Variants in EPB41L2 observed in about 807,000 individuals in gnomAD.
The protein encoded by EPB41L2 is erythrocyte membrane protein band 4.1 like 2.
A neutral mutation model predicts 113.0 loss-of-function variants in EPB41L2; 43 were observed. That is an observed-to-expected ratio of 0.38 (90% CI 0.30 to 0.49). The LOEUF (loss-of-function observed/expected upper bound fraction) is 0.49. Ranked by LOEUF, EPB41L2 falls within the 20% of genes least tolerant of loss-of-function variation. The probability of loss-of-function intolerance (pLI) is 0.95; values close to 1 mark genes in which losing one functional copy is unlikely to be tolerated. For missense variants in EPB41L2, 1,147 were observed against 1,223.4 expected (o/e 0.94, Z 0.93); for synonymous variants, 442 against 436.7 (o/e 1.01, Z -0.15).
At chr6:130,871,336 G>T (rs528377852) in intron 14 of EPB41L2, among the ~76,000 whole-genome samples, 1 of 152,168 alleles carries the variant, frequency 6.6e-6, no homozygotes, top group East Asian at 1.9e-4. Flanking sequence ...TACTGCCTAT[G>T]ATCTAACTTA....
intron 19 of EPB41L2, among the ~76,000 whole-genome samples, chr6:130,857,531 G>C (rs1213977255): frequency 7.1e-6 from 1 of 140,398 alleles, no homozygotes; most frequent in Non-Finnish European, 1.6e-5. Flanking sequence ...TTCCTTTCTG[G>C]TTCATTCTCA....
At chr6:130,966,174 T>C (rs1775120028) in intron 1 of EPB41L2, among the ~76,000 whole-genome samples, 1 of 152,202 alleles carries the variant, frequency 6.6e-6, no homozygotes, top group South Asian at 2.1e-4. Context: ...CCTACAGATA[T>C]ATCTGTGCAT....
chr6:131,000,306 G>C (rs190370168), intron 1 of EPB41L2, among the ~76,000 whole-genome samples: 18 of 152,134 alleles, frequency 1.2e-4, no homozygotes, highest in Admixed American at 1.1e-3. Context: ...AAAAGCGAAG[G>C]GTGCCTATCC....
At chr6:130,967,839 T>C (rs1775710014) in intron 1 of EPB41L2, among the ~76,000 whole-genome samples, 1 of 152,210 alleles carries the variant, frequency 6.6e-6, no homozygotes, top group Non-Finnish European at 1.5e-5. Flanking sequence ...ATAAATATCT[T>C]TTGTGATGTT....
At chr6:130,948,752 T>A (rs999120736) in intron 3 of EPB41L2, among the ~76,000 whole-genome samples, 1 of 152,186 alleles carries the variant, frequency 6.6e-6, no homozygotes, top group Admixed American at 6.5e-5. Flanking sequence ...AAAATAAAGC[T>A]AGTACAATAA....
rs910852195 is a variant in EPB41L2, at chr6:130,865,557, C to G, written c.2808G>C (p.Thr936=). The change falls in exon 17 of 20, where the codon ACG becomes ACC. Residue 936 remains threonine (T), a synonymous_variant. Transcript: ENST00000337057. ...QTITSESVST[T]TTTHITKTVK... Reference sequence around the variant, plus strand: ...TTACCTTGGTGATGTGTGTGGTTGTCGTTGTTGACACGGACTCAGATGTGA... The same window carrying G: ...TTACCTTGGTGATGTGTGTGGTTGTGGTTGTTGACACGGACTCAGATGTGA... 9 of 1,613,956 alleles carry G rather than the reference C, an allele frequency of 5.6e-6. No individual in the cohort carries two copies. The African/African-American group carries it at 1.1e-4, about 19-fold the overall frequency.
Position 130,998,842 on chromosome 6 carries a change from T to A in EPB41L2, c.-14-42343A>T, listed in dbSNP as rs538244430. 3.3e-5 allele frequency among the ~76,000 whole-genome samples: 5 copies of A among 152,282 alleles called. No homozygotes were observed. The East Asian group carries it at 9.6e-4, about 29-fold the overall frequency. On this transcript the variant is annotated intron_variant, in intron 1 of 19. Transcript: ENST00000337057. ...TCTTCCTGAACTCCAGTTCTGATCA[T>A]ATCATTCACCTGTACAGGAAACCTC... is the stretch of plus-strand genomic sequence containing the variant.
chr6:131,011,033 T>C (rs1562726745), intron 1 of EPB41L2, among the ~76,000 whole-genome samples: 1 of 152,212 alleles, frequency 6.6e-6, no homozygotes, highest in African/African-American at 2.4e-5. Flanking sequence ...CCTGATCCAG[T>C]GTTAAGACTG....
At chr6:131,006,862 A>C (rs1785686017) in intron 1 of EPB41L2, among the ~76,000 whole-genome samples, 1 of 151,794 alleles carries the variant, frequency 6.6e-6, no homozygotes, top group African/African-American at 2.4e-5. Context: ...TTCTCCAACA[A>C]TTCTCTAACC....
intron 8 of EPB41L2, among the ~76,000 whole-genome samples, chr6:130,899,070 G>C (rs1795503491): frequency 6.6e-6 from 1 of 152,074 alleles, no homozygotes; most frequent in South Asian, 2.1e-4. Context: ...AAGCTTTTTG[G>C]AAAGTGGTCC....
chr6:130,898,816 T>C (rs184027984), intron 8 of EPB41L2, among the ~76,000 whole-genome samples: 3 of 152,346 alleles, frequency 2.0e-5, no homozygotes, highest in Non-Finnish European at 2.9e-5. Flanking sequence ...TAAATGTCTT[T>C]TAAATAACTT....
rs769554314 is a variant in EPB41L2 at position 130,934,894 on chromosome 6, T to G, written c.706-8185A>C. Among the ~76,000 whole-genome samples the G allele has an allele frequency of 3.3e-5, 5 of 151,286 alleles. No individual in the cohort carries two copies. In the Admixed American group the frequency reaches 3.3e-4, roughly 10 times the overall value. On this transcript the variant is annotated intron_variant, in intron 3 of 19. Transcript: ENST00000337057. Reference sequence around the variant, plus strand: ...TACGTATACAAGTAAACAGTTAAGATAGATAAGAGATTTACGTAAACATGT... The same window carrying G: ...TACGTATACAAGTAAACAGTTAAGAGAGATAAGAGATTTACGTAAACATGT...
chr6:130,909,925 A>C (rs1798837055), intron 4 of EPB41L2, among the ~76,000 whole-genome samples: 1 of 152,236 alleles, frequency 6.6e-6, no homozygotes, highest in South Asian at 2.1e-4. Context: ...GATAGGAAGA[A>C]TCAATATCGT....
At chr6:130,904,335 A>G (rs1583279477) in intron 6 of EPB41L2, 130 bp downstream of exon 6, 2 of 521,982 alleles carry the variant, frequency 3.8e-6, no homozygotes, top group East Asian at 6.4e-5. Flanking sequence ...ACCCATTTTC[A>G]AGGAAACTTC....
chr6:131,017,560 T>A (rs1411899401), intron 1 of EPB41L2, among the ~76,000 whole-genome samples: 2 of 152,254 alleles, frequency 1.3e-5, no homozygotes, highest in African/African-American at 4.8e-5. Flanking sequence ...TCCTATACAG[T>A]ACTTCATTAT....
chr6:130,899,077 G>A lies in EPB41L2; in HGVS notation c.1236+414C>T, dbSNP rs571176287. 2.6e-5 allele frequency among the ~76,000 whole-genome samples: 4 copies of A among 152,208 alleles called. No homozygotes were observed. The East Asian group carries it at 7.8e-4, about 29-fold the overall frequency. On this transcript the variant is annotated intron_variant, in intron 8 of 19. Transcript: ENST00000337057. ...TCAAACATAAGCTTTTTGGAAAGTG[G>A]TCCCATGCTACTTTTGCCCTTTTAT...
chr6:130,955,114 A>G lies in EPB41L2; in HGVS notation c.696T>C (p.Cys232=), dbSNP rs1283754036. ...VTLLDGTEYS[C]DLEKHAKGQV... ...CAGCTCCCTATCTCACCTCCAGGTC[A>G]CAGCTGTATTCGGTGCCATCTAAGA... The change falls in exon 3 of 20, where the codon TGT becomes TGC. Residue 232 remains cysteine (C), a synonymous_variant. Coordinates refer to ENST00000337057, the MANE Select transcript of EPB41L2 (RefSeq NM_001431.4). The G allele has an allele frequency of 6.2e-7, 1 of 1,614,150 alleles. No individual in the cohort carries two copies. The highest frequency in any genetic ancestry group is 1.1e-5 in the South Asian group (1 of 91,072).
chr6:130,937,330 G>A (rs1428756017), intron 3 of EPB41L2, among the ~76,000 whole-genome samples: 1 of 151,794 alleles, frequency 6.6e-6, no homozygotes, highest in Non-Finnish European at 1.5e-5. Flanking sequence ...TAACCATGAG[G>A]CAGTCAGCAA....
At chr6:130,931,095 G>C (rs1287630332) in intron 3 of EPB41L2, among the ~76,000 whole-genome samples, 1 of 152,030 alleles carries the variant, frequency 6.6e-6, no homozygotes, top group Non-Finnish European at 1.5e-5. Context: ...ACAGAATGAG[G>C]GGTCTACAAA....
Sources: gnomAD v4.1 joint callset for allele counts (sites outside exome capture counted in the v4.1 genomes callset) on GRCh38, gnomAD v4.1.1 for gene constraint, MANE v1.5 for transcripts, NCBI Gene and HGNC (gene_info 2026-07-23, HGNC 2026-07-21) for gene names.